Variants in LOXL3 observed in about 807,000 individuals in gnomAD.
LOXL3 encodes the protein lysyl oxidase like 3.
A neutral mutation model predicts 91.8 loss-of-function variants in LOXL3; 60 were observed. That is an observed-to-expected ratio of 0.65 (90% CI 0.53 to 0.81). The LOEUF (loss-of-function observed/expected upper bound fraction) is 0.81. Among genes scored for constraint, LOXL3 ranks in the 30% least tolerant of loss-of-function variants. LOXL3 has a pLI of 0.00. For synonymous variants in LOXL3, 355 were observed against 387.6 expected, an observed-to-expected ratio of 0.92 and a Z score of 0.99; for missense variants, 874 against 1,000.4, an observed-to-expected ratio of 0.87 and a Z score of 1.70.
Position 74,552,630 on chromosome 2 carries a change from C to A in LOXL3, c.5G>T (p.Arg2Leu). The change falls in exon 2 of 14, where the codon CGA (arginine) becomes CTA (leucine). Residue 2 changes from arginine (R) to leucine (L), a missense_variant. Coordinates refer to ENST00000264094, the MANE Select transcript of LOXL3 (RefSeq NM_032603.5). ...GCTCCACTGCCAGACACTGACAGGT[C>A]GCATGGCAGGGAAGGCCTGGGTGCC... The part of the protein sequence containing the change: M[R>L]PVSVWQWSPW... The A allele has an allele frequency of 6.4e-7, 1 of 1,552,350 alleles. No individual in the cohort carries two copies. Among genetic ancestry groups the A allele is most frequent in the South Asian group, 1.2e-5 (1 of 86,476 alleles).
chr2:74,555,481 G>A (rs2104468659), upstream of LOXL3: 1 of 1,608,560 alleles, frequency 6.2e-7, no homozygotes, highest in African/African-American at 1.3e-5. The surrounding 1 kb of genome is among the most constrained non-coding windows in gnomAD (Gnocchi z 6.1). Context: ...TGCGGGGTGG[G>A]GGCAGTTACA....
upstream of LOXL3, chr2:74,555,397 G>T (rs754224083): frequency 5.6e-6 from 9 of 1,611,504 alleles, no homozygotes; most frequent in African/African-American, 1.2e-4. This position sits in a 1 kb window ranked among gnomAD's most constrained non-coding sequence, Gnocchi z 6.1. Flanking sequence ...CCTGCTGGCG[G>T]CCGACGCGCC....
chr2:74,555,015 G>A, upstream of LOXL3: 1 of 1,377,020 alleles, frequency 7.3e-7, no homozygotes, highest in Non-Finnish European at 9.9e-7. This position sits in a 1 kb window ranked among gnomAD's most constrained non-coding sequence, Gnocchi z 6.1. Context: ...GAGTGGCATC[G>A]TCCTTGGGAA....
intron 2 of LOXL3, among the ~76,000 whole-genome samples, chr2:74,550,749 T>C (rs1448339642): frequency 6.6e-6 from 1 of 152,126 alleles, no homozygotes; most frequent in Non-Finnish European, 1.5e-5. Flanking sequence ...ATAAAGAAAC[T>C]GGGGTTTAGA....
chr2:74,542,188 G>A (rs1468081327), intron 4 of LOXL3, among the ~76,000 whole-genome samples: 1 of 152,172 alleles, frequency 6.6e-6, no homozygotes, highest in Non-Finnish European at 1.5e-5. Flanking sequence ...AGCTACTCAG[G>A]AGGCTGAGAT....
At chr2:74,539,113 C>T (rs1052597347) in intron 4 of LOXL3, among the ~76,000 whole-genome samples, 11 of 152,140 alleles carry the variant, frequency 7.2e-5, no homozygotes, top group Non-Finnish European at 1.3e-4. Context: ...TTTTATTTAC[C>T]TCTTGTGTGG....
At position 74,549,973 on chromosome 2, in the gene LOXL3, A is replaced by G. The variant is rs1676895812; in HGVS notation, c.477+212T>C. 1 of 985,486 alleles carries G rather than the reference A, an allele frequency of 1.0e-6. No individual in the cohort carries two copies. The highest frequency in any genetic ancestry group is 1.2e-6 in the Non-Finnish European group (1 of 829,942). 61.0% of individuals were successfully genotyped at this position (985,486 alleles called of 1,614,324 possible). A position where few individuals can be genotyped will look rare whatever the true frequency, so the allele number is the denominator to read the frequency against. On this transcript the variant is annotated intron_variant, in intron 3 of 13. Coordinates refer to ENST00000264094, the MANE Select transcript of LOXL3 (RefSeq NM_032603.5). The surrounding 1 kb of genome is among the most constrained non-coding windows in gnomAD (Gnocchi z 5.3). The stretch of plus-strand genomic sequence containing the variant: ...GGGGTGACTAGGGATGAAGCTGGAG[A>G]GGCTCATGCCAGGTTTAGCCCCTTG...
At position 74,532,402 on chromosome 2, in the gene LOXL3, CTGTT is replaced by C; in HGVS notation, c.*1200_*1203del. 4 of 590,898 alleles carry C rather than the reference CTGTT, an allele frequency of 6.8e-6. No homozygotes were observed. The highest frequency in any genetic ancestry group is 3.2e-5 in the East Asian group (1 of 31,328). 36.6% of individuals were successfully genotyped at this position (590,898 alleles called of 1,614,324 possible). A position where few individuals can be genotyped will look rare whatever the true frequency, so the allele number is the denominator to read the frequency against. On this transcript the variant is annotated 3_prime_UTR_variant, in exon 14 of 14. Transcript: ENST00000264094. Reference sequence around the variant, plus strand: ...TGACATTAGTGCTATTGATTTAACACTGTTTGTCATTTGGTGCCCTCATGTGGTG... The same window carrying C: ...TGACATTAGTGCTATTGATTTAACACTGTCATTTGGTGCCCTCATGTGGTG...
Position 74,534,105 on chromosome 2 carries a change from G to A in LOXL3, c.2071C>T (p.Leu691Phe). ...ITDVKPGNYI[L>F]QVVINPNFEV... Reference sequence around the variant, plus strand: ...AAGCCCCAGACTCCAGGTACCTGGAGAATGTAGTTTCCTGGCTTCACATCC... The same window carrying A: ...AAGCCCCAGACTCCAGGTACCTGGAAAATGTAGTTTCCTGGCTTCACATCC... Residue 691 changes from leucine (L) to phenylalanine (F), a missense_variant, in exon 12 of 14, where the codon CTC (leucine) becomes TTC (phenylalanine). By Grantham distance (22) the Leu-to-Phe change is conservative (BLOSUM62 0). Coordinates refer to ENST00000264094, the MANE Select transcript of LOXL3 (RefSeq NM_032603.5). 6.2e-7 allele frequency: 1 copy of A among 1,614,188 alleles called. No individual in the cohort carries two copies. Among genetic ancestry groups the A allele is most frequent in the South Asian group, 1.1e-5 (1 of 91,082 alleles).
chr2:74,550,978 G>A (rs1347940793), intron 2 of LOXL3, among the ~76,000 whole-genome samples: 1 of 151,362 alleles, frequency 6.6e-6, no homozygotes, highest in Non-Finnish European at 1.5e-5. Context: ...TGTTGCCTAG[G>A]CTGAAATGCA....
At chr2:74,537,501 G>A (rs1676096537) in intron 4 of LOXL3, among the ~76,000 whole-genome samples, 2 of 152,338 alleles carry the variant, frequency 1.3e-5, no homozygotes, top group South Asian at 4.1e-4. Flanking sequence ...AGACCAGCAG[G>A]TAGACGCAAG....
chr2:74,549,190 C>T lies in LOXL3; in HGVS notation c.692+179G>A, dbSNP rs1445796515. 4.5e-6 allele frequency: 3 copies of T among 663,578 alleles called. No individual in the cohort carries two copies. The highest frequency in any genetic ancestry group is 7.1e-6 in the Non-Finnish European group (3 of 420,624). The allele number at this position is 663,578 out of a possible 1,614,324, so 41.1% of individuals were successfully genotyped here. ...CATTTCAGGTACTCCCTTGGGGCAC[C>T]TTTCGTGGTCCCACAAGATTTCCCA... On this transcript the variant is annotated intron_variant, in intron 4 of 13. Transcript: ENST00000264094. This position sits in a 1 kb window ranked among gnomAD's most constrained non-coding sequence, Gnocchi z 5.3.
rs1399669321 is a variant in LOXL3 at position 74,552,792 on chromosome 2, G to A, written c.-12-146C>T. On this transcript the variant is annotated intron_variant, in intron 1 of 13. Coordinates refer to ENST00000264094, the MANE Select transcript of LOXL3 (RefSeq NM_032603.5). ...GACAACAGGAGAGAAAGAGCCCCAGGGACCAAGAGACAGGGAGAGAAACAC... is the reference window on the plus strand; with the variant it reads ...GACAACAGGAGAGAAAGAGCCCCAGAGACCAAGAGACAGGGAGAGAAACAC... 4.3e-6 allele frequency: 3 copies of A among 693,152 alleles called. No homozygotes were observed. In the Admixed American group the frequency reaches 9.2e-5, roughly 21 times the overall value. The allele number at this position is 693,152 out of a possible 1,614,324, so 42.9% of individuals were successfully genotyped here.
upstream of LOXL3, chr2:74,555,248 G>C (rs759486692): frequency 6.2e-7 from 1 of 1,613,950 alleles, no homozygotes; most frequent in Admixed American, 1.7e-5. The surrounding 1 kb of genome is among the most constrained non-coding windows in gnomAD (Gnocchi z 6.1). Context: ...AGCTCTGGGG[G>C]TGGCCGAGGG....
chr2:74,535,843 G>T lies in LOXL3; in HGVS notation c.1249-88C>A. 6.7e-7 allele frequency: 1 copy of T among 1,491,906 alleles called. No homozygotes were observed. Among genetic ancestry groups the T allele is most frequent in the Non-Finnish European group, 8.9e-7 (1 of 1,119,410 alleles). 92.4% of individuals were successfully genotyped at this position (1,491,906 alleles called of 1,614,324 possible). On this transcript the variant is annotated intron_variant, in intron 7 of 13. Transcript: ENST00000264094. This position sits in a 1 kb window ranked among gnomAD's most constrained non-coding sequence, Gnocchi z 4.2. ...ACAGATGTGGCTGAAGCGTGACTCA[G>T]GCACATAATGGGCTAGCAAGTGATG...
chr2:74,533,066 AG>A lies in LOXL3; in HGVS notation c.*539del, dbSNP rs1675742356. ...TGAGGTTCTGAGGGCACCGAGACAG[AG>A]GGTTAAATGAACCAGTGGGGGCAGG... On this transcript the variant is annotated 3_prime_UTR_variant, in exon 14 of 14. Coordinates refer to ENST00000264094, the MANE Select transcript of LOXL3 (RefSeq NM_032603.5). 1 of 1,409,814 alleles carries A rather than the reference AG, an allele frequency of 7.1e-7. No individual in the cohort carries two copies. The highest frequency in any genetic ancestry group is 9.9e-7 in the Non-Finnish European group (1 of 1,005,512). 87.3% of individuals were successfully genotyped at this position (1,409,814 alleles called of 1,614,324 possible).
chr2:74,545,614 A>G (rs1676543678), intron 4 of LOXL3, among the ~76,000 whole-genome samples: 2 of 152,076 alleles, frequency 1.3e-5, no homozygotes, highest in Non-Finnish European at 2.9e-5. Flanking sequence ...CTCAGTCCTC[A>G]TGTTTTTAGG....
chr2:74,552,217 T>C (rs1677058108), intron 2 of LOXL3, 105 bp downstream of exon 2: 1 of 1,022,984 alleles, frequency 9.8e-7, no homozygotes, highest in African/African-American at 1.6e-5. Flanking sequence ...TGCTGGCTGT[T>C]CTTGGTGTCG....
rs575126289 is a variant in LOXL3 at position 74,535,190 on chromosome 2, T to C, written c.1579+102A>G. The stretch of plus-strand genomic sequence containing the variant: ...CTGCACCCGGCGAAACTGGCTCTTT[T>C]ATGGGGAAGAAGTGCCCCTCCAGAT... On this transcript the variant is annotated intron_variant, in intron 9 of 13. Coordinates refer to ENST00000264094, the MANE Select transcript of LOXL3 (RefSeq NM_032603.5). This position sits in a 1 kb window ranked among gnomAD's most constrained non-coding sequence, Gnocchi z 4.2. The C allele has an allele frequency of 1.6e-5, 22 of 1,369,250 alleles. No individual in the cohort carries two copies. In the East Asian group the frequency reaches 3.1e-4, roughly 19 times the overall value. The allele number at this position is 1,369,250 out of a possible 1,614,324, so 84.8% of individuals were successfully genotyped here.
Sources: gnomAD v4.1 joint callset for allele counts (sites outside exome capture counted in the v4.1 genomes callset) on GRCh38, gnomAD v4.1.1 for gene constraint, Gnocchi (gnomAD v3.1) non-coding constraint, MANE v1.5 for transcripts, NCBI Gene and HGNC (gene_info 2026-07-23, HGNC 2026-07-21) for gene names.